The following TMEM117 variants were observed in gnomAD, a reference collection of about 807,000 sequenced individuals.
The protein encoded by TMEM117 is transmembrane protein 117.
Under a neutral mutation model 52.4 loss-of-function variants are expected in TMEM117, and 27 were observed. That is an observed-to-expected ratio of 0.51 (90% CI 0.38 to 0.71). The LOEUF (loss-of-function observed/expected upper bound fraction) is 0.71, where lower values mean the gene tolerates loss of function less well. Ranked by LOEUF, TMEM117 falls within the 30% of genes least tolerant of loss-of-function variation. The probability of loss-of-function intolerance (pLI) is 0.00; values close to 1 mark genes in which losing one functional copy is unlikely to be tolerated. For synonymous variants in TMEM117, 215 were observed against 206.3 expected (o/e 1.04, Z -0.36); for missense variants, 556 against 630.5 (o/e 0.88, Z 1.26).
chr12:44,126,590 A>G (rs891233176), intron 3 of TMEM117, among the ~76,000 whole-genome samples: 1 of 152,212 alleles, frequency 6.6e-6, no homozygotes, highest in African/African-American at 2.4e-5. Context: ...TTCATATGAT[A>G]TTAACATTGT....
At chr12:44,134,963 C>A (rs1313598429) in intron 3 of TMEM117, among the ~76,000 whole-genome samples, 1 of 152,074 alleles carries the variant, frequency 6.6e-6, no homozygotes, top group Non-Finnish European at 1.5e-5. Context: ...ACACACCACC[C>A]ATGTTTTTTC....
intron 5 of TMEM117, among the ~76,000 whole-genome samples, chr12:44,252,505 A>AAAAC (rs530874914): frequency 9.2e-5 from 14 of 152,242 alleles, no homozygotes; most frequent in African/African-American, 3.4e-4. Context: ...CTCTGTCTCA[A>AAAAC]AAACAAACAA....
chr12:44,176,430 C>T (rs572167253), intron 4 of TMEM117, among the ~76,000 whole-genome samples: 3 of 152,250 alleles, frequency 2.0e-5, no homozygotes, highest in East Asian at 3.9e-4. Flanking sequence ...TCTTTGTTAA[C>T]TAGTAATCTC....
At chr12:44,201,064 C>A (rs560188575) in intron 4 of TMEM117, among the ~76,000 whole-genome samples, 1 of 152,144 alleles carries the variant, frequency 6.6e-6, no homozygotes, top group African/African-American at 2.4e-5. Context: ...AAATGATGAC[C>A]AAACATATTA....
At chr12:43,820,938 A>G in the TMEM117 span, among the ~76,000 whole-genome samples, 416 of 152,020 alleles carry the variant, frequency 2.7e-3, 2 homozygotes, top group African/African-American at 9.6e-3. Flanking sequence ...TACTAAAAAT[A>G]CAAAAAATTA....
At chr12:44,297,342 A>G (rs1369155316) in intron 5 of TMEM117, among the ~76,000 whole-genome samples, 1 of 152,208 alleles carries the variant, frequency 6.6e-6, no homozygotes, top group Non-Finnish European at 1.5e-5. Context: ...CAGTAATGAT[A>G]TTAAAAATAC....
the TMEM117 span, chr12:43,805,686 A>G: frequency 2.5e-6 from 2 of 805,416 alleles, no homozygotes; most frequent in Admixed American, 2.3e-5. Flanking sequence ...TTCTCAGAAC[A>G]TAACTCTCAT....
chr12:43,898,143 CA>C (rs1944242262), intron 2 of TMEM117, among the ~76,000 whole-genome samples: 1 of 151,938 alleles, frequency 6.6e-6, no homozygotes, highest in Non-Finnish European at 1.5e-5. Flanking sequence ...CTTAACAGCT[CA>C]AAACAGAATT....
intron 4 of TMEM117, among the ~76,000 whole-genome samples, chr12:44,195,601 A>G (rs1487290064): frequency 6.6e-6 from 1 of 152,148 alleles, no homozygotes; most frequent in Non-Finnish European, 1.5e-5. Flanking sequence ...CCAGGAAAAT[A>G]CAACCTAAAA....
Position 44,018,742 on chromosome 12 carries a change from A to G in TMEM117, c.410+74400A>G, listed in dbSNP as rs181696515. On this transcript the variant is annotated intron_variant, in intron 3 of 7. Transcript: ENST00000266534. ...TTTTCTTTCTTTTTTTTTTTTTTAG[A>G]AGAAGTCTTGCTCTGTCGCCAGTCT... Among the ~76,000 whole-genome samples, 732 of 146,316 alleles carry G rather than the reference A, an allele frequency of 5.0e-3. 6 individuals carry two copies. Among genetic ancestry groups the G allele is most frequent in the African/African-American group, 0.018 (715 of 39,194 alleles).
In TMEM117 at chr12:43,998,524, GTTTTCTA is replaced by G. The variant is rs1426235964; in HGVS notation, c.410+54186_410+54192del. Among the ~76,000 whole-genome samples the G allele has an allele frequency of 1.3e-5, 2 of 152,074 alleles. 1 individual carries two copies. Among genetic ancestry groups the G allele is most frequent in the Non-Finnish European group, 2.9e-5 (2 of 67,990 alleles). On this transcript the variant is annotated intron_variant, in intron 3 of 7. Coordinates refer to ENST00000266534, the MANE Select transcript of TMEM117 (RefSeq NM_032256.3). ...GTTAATGTCTACCATATTTGTTACTGTTTTCTATTTATTCATTTTGGACATATCACAT... is the reference window on the plus strand; with the variant it reads ...GTTAATGTCTACCATATTTGTTACTGTTTATTCATTTTGGACATATCACAT...
chr12:43,962,997 T>C (rs2137668436), intron 3 of TMEM117, among the ~76,000 whole-genome samples: 1 of 151,948 alleles, frequency 6.6e-6, no homozygotes, highest in African/African-American at 2.4e-5. Context: ...TTATTCAGCA[T>C]CCTATATAGT....
intron 3 of TMEM117, among the ~76,000 whole-genome samples, chr12:44,123,774 A>G (rs1231933654): frequency 2.0e-5 from 3 of 152,124 alleles, no homozygotes; most frequent in Non-Finnish European, 2.9e-5. Flanking sequence ...CCGTTTTTGT[A>G]CTGGTACCAT....
chr12:44,199,873 A>G (rs1424948725), intron 4 of TMEM117, among the ~76,000 whole-genome samples: 1 of 151,998 alleles, frequency 6.6e-6, no homozygotes, highest in Admixed American at 6.6e-5. Context: ...ATACCAGCAC[A>G]TTGGGAGGCC....
intron 5 of TMEM117, among the ~76,000 whole-genome samples, chr12:44,272,556 GA>G (rs2138571671): frequency 6.6e-6 from 1 of 152,162 alleles, no homozygotes; most frequent in African/African-American, 2.4e-5. Flanking sequence ...ACAAGTGGGC[GA>G]AGGATATGAA....
In TMEM117 at chr12:44,147,533, C is replaced by T. The variant is rs146715267; in HGVS notation, c.510+3909C>T. Among the ~76,000 whole-genome samples, 119 of 152,248 alleles carry T rather than the reference C, an allele frequency of 7.8e-4. 1 individual carries two copies. The highest frequency in any genetic ancestry group is 2.8e-3 in the African/African-American group (116 of 41,552). On this transcript the variant is annotated intron_variant, in intron 4 of 7. Transcript: ENST00000266534. ...TCCTGTTCTAGTTGCTTCCATCTTA[C>T]AGAAGTAAATGGTATGACTCACAAT...
chr12:43,841,420 A>T (rs184529394), intron 1 of TMEM117, among the ~76,000 whole-genome samples: 1 of 152,212 alleles, frequency 6.6e-6, no homozygotes, highest in African/African-American at 2.4e-5. Context: ...TGATAGTAGC[A>T]TTCATGGCAT....
intron 2 of TMEM117, among the ~76,000 whole-genome samples, chr12:43,871,741 CTAA>C (rs1427889885): frequency 6.6e-6 from 1 of 152,162 alleles, no homozygotes; most frequent in African/African-American, 2.4e-5. Flanking sequence ...TAATAAGAAG[CTAA>C]TAATGTTTCA....
At chr12:44,282,437 A>G (rs776080510) in intron 5 of TMEM117, among the ~76,000 whole-genome samples, 1 of 152,202 alleles carries the variant, frequency 6.6e-6, no homozygotes, top group Admixed American at 6.5e-5. Context: ...GCTGATAGCG[A>G]TATGGACCAT....
Sources: allele counts gnomAD v4.1 joint callset (sites outside exome capture counted in the v4.1 genomes callset), GRCh38; gene constraint gnomAD v4.1.1; transcripts MANE v1.5; gene names NCBI Gene and HGNC (gene_info 2026-07-23, HGNC 2026-07-21).